C9orf153: variants seen among roughly 807,000 people sequenced by gnomAD.
C9orf153 encodes uncharacterized protein C9orf153.
In C9orf153, 10 loss-of-function variants were observed where a neutral mutation model predicts 9.0. The observed-to-expected ratio is 1.11, with a 90% CI of 0.69 to 1.89. The LOEUF (loss-of-function observed/expected upper bound fraction) is 1.89. Ranked by LOEUF, C9orf153 falls within the 40% of genes most tolerant of loss-of-function variation. C9orf153 has a pLI of 0.00. For synonymous variants in C9orf153, 35 were observed against 37.3 expected (o/e 0.94, Z 0.23); for missense variants, 108 against 111.0 (o/e 0.97, Z 0.12).
chr9:86,224,703 G>A (rs534254897), intron 3 of C9orf153, among the ~76,000 whole-genome samples: 5 of 151,376 alleles, frequency 3.3e-5, no homozygotes, highest in South Asian at 2.1e-4. Context: ...TGAGGCAGGC[G>A]GATCACGAGG....
intron 1 of C9orf153, among the ~76,000 whole-genome samples, chr9:86,253,629 G>T (rs544798829): frequency 1.9e-4 from 29 of 152,156 alleles, no homozygotes; most frequent in African/African-American, 6.8e-4. Flanking sequence ...ATCCTGCTCT[G>T]TGTCACTCTG....
intron 3 of C9orf153, 126 bp from the exon 4 acceptor site, chr9:86,221,859 A>G: frequency 1.8e-6 from 1 of 542,848 alleles, no homozygotes; most frequent in Non-Finnish European, 3.2e-6. Context: ...GCAGAAAGCC[A>G]TTTCTAAAGC....
chr9:86,238,207 A>G (rs186560985), intron 1 of C9orf153, among the ~76,000 whole-genome samples: 15 of 152,332 alleles, frequency 9.8e-5, no homozygotes, highest in Admixed American at 8.5e-4. Flanking sequence ...ATACCCCTCT[A>G]TCGAAAATGG....
chr9:86,230,376 A>G (rs1286115620), intron 1 of C9orf153, among the ~76,000 whole-genome samples: 2 of 152,220 alleles, frequency 1.3e-5, no homozygotes, highest in Non-Finnish European at 2.9e-5. Context: ...ATCTTGGCTC[A>G]CTGCAACCTC....
intron 1 of C9orf153, among the ~76,000 whole-genome samples, chr9:86,231,377 T>C (rs1824464581): frequency 1.3e-5 from 2 of 152,158 alleles, no homozygotes; most frequent in African/African-American, 2.4e-5. Context: ...GGTAAGAGAA[T>C]ATATGGATGG....
chr9:86,229,255 C>T, intron 2 of C9orf153, among the ~76,000 whole-genome samples: 1 of 79,844 alleles, frequency 1.3e-5, no homozygotes, highest in African/African-American at 7.9e-5. Context: ...ACATCTTTTC[C>T]TAAAGAAAAA....
At chr9:86,251,311 T>C (rs1175317224) in intron 1 of C9orf153, among the ~76,000 whole-genome samples, 1 of 152,204 alleles carries the variant, frequency 6.6e-6, no homozygotes, top group Non-Finnish European at 1.5e-5. Flanking sequence ...AAATATGTCC[T>C]GTTTCACACT....
intron 1 of C9orf153, among the ~76,000 whole-genome samples, chr9:86,256,039 C>T (rs985380823): frequency 5.3e-5 from 8 of 152,240 alleles, no homozygotes; most frequent in East Asian, 1.9e-4. Context: ...CTTTGCTTGA[C>T]GCAGTGAGTC....
At chr9:86,256,401 A>T (rs1479181147) in intron 1 of C9orf153, among the ~76,000 whole-genome samples, 1 of 152,268 alleles carries the variant, frequency 6.6e-6, no homozygotes, top group African/African-American at 2.4e-5. Flanking sequence ...AAACAGAAAT[A>T]AGCAAATGTT....
intron 3 of C9orf153, among the ~76,000 whole-genome samples, chr9:86,223,506 C>G (rs1349282190): frequency 6.6e-6 from 1 of 152,188 alleles, no homozygotes; most frequent in African/African-American, 2.4e-5. Context: ...GTCATGATCT[C>G]TGACAGACAC....
At chr9:86,240,713 T>C (rs1470491471) in intron 1 of C9orf153, among the ~76,000 whole-genome samples, 13 of 134,498 alleles carry the variant, frequency 9.7e-5, no homozygotes, top group Non-Finnish European at 1.4e-4. Context: ...TTTTCTTTTT[T>C]TTTTTTTTTT....
At chr9:86,257,499 C>G (rs1825145889) in intron 1 of C9orf153, among the ~76,000 whole-genome samples, 1 of 152,212 alleles carries the variant, frequency 6.6e-6, no homozygotes, top group Non-Finnish European at 1.5e-5. Context: ...CACTTTTCAT[C>G]TAGACTTCAT....
intron 1 of C9orf153, among the ~76,000 whole-genome samples, chr9:86,238,284 A>G (rs1211171936): frequency 4.6e-5 from 7 of 152,184 alleles, no homozygotes; most frequent in Non-Finnish European, 2.9e-5. Context: ...AATCAACTGG[A>G]TATAATTGAC....
intron 1 of C9orf153, among the ~76,000 whole-genome samples, chr9:86,237,432 T>C (rs1235343687): frequency 6.9e-6 from 1 of 145,016 alleles, no homozygotes; most frequent in East Asian, 2.1e-4. Flanking sequence ...TAATTATATG[T>C]TGTCTACAAG....
chr9:86,236,439 C>T (rs1234837608), intron 1 of C9orf153, among the ~76,000 whole-genome samples: 3 of 151,186 alleles, frequency 2.0e-5, no homozygotes, highest in Non-Finnish European at 1.5e-5. Flanking sequence ...ATCCCAGCTA[C>T]GCAGGTGGCT....
chr9:86,251,967 A>G (rs1388303005), intron 1 of C9orf153, among the ~76,000 whole-genome samples: 2 of 125,464 alleles, frequency 1.6e-5, no homozygotes, highest in Non-Finnish European at 3.3e-5. Flanking sequence ...AGAGGGGGAG[A>G]AGAGAGAAGA....
At position 86,226,092 on chromosome 9, in the gene C9orf153, G is replaced by C. The variant is rs542281753; in HGVS notation, c.242+1763C>G. Among the ~76,000 whole-genome samples the C allele has an allele frequency of 2.9e-4, 44 of 152,154 alleles. 2 individuals carry two copies. The South Asian group carries it at 8.7e-3, about 30-fold the overall frequency. On this transcript the variant is annotated intron_variant, in intron 3 of 3. Coordinates refer to ENST00000339137, the MANE Select transcript of C9orf153 (RefSeq NM_001276366.4). ...CATGATTTTTCCTCTCTGGTCCCAG[G>C]CTTTACTTGTGTACTTTGCGAATTA... is the stretch of plus-strand genomic sequence containing the variant.
chr9:86,249,538 C>T lies in C9orf153; in HGVS notation c.-27+10012G>A, dbSNP rs142190884. Among the ~76,000 whole-genome samples, 370 of 147,734 alleles carry T rather than the reference C, an allele frequency of 2.5e-3. 2 individuals carry two copies. The highest frequency in any genetic ancestry group is 8.9e-3 in the African/African-American group (353 of 39,658). On this transcript the variant is annotated intron_variant, in intron 1 of 3. Transcript: ENST00000339137. ...TCAAACGGTAGAGGCCAAAGGAAAA[C>T]GTCTCCCACCTTTTTTTTTTTTTTT... is the stretch of plus-strand genomic sequence containing the variant.
chr9:86,235,310 TAAGA>T (rs1208661547), intron 1 of C9orf153, among the ~76,000 whole-genome samples: 2 of 152,098 alleles, frequency 1.3e-5, no homozygotes, highest in African/African-American at 4.8e-5. Context: ...ATGAGAATTC[TAAGA>T]AAGAATCAAA....
Sources: allele counts gnomAD v4.1 joint callset (sites outside exome capture counted in the v4.1 genomes callset), GRCh38; gene constraint gnomAD v4.1.1; transcripts MANE v1.5; gene names NCBI Gene and HGNC (gene_info 2026-07-23, HGNC 2026-07-21).